Variants in HEATR5B observed in about 807,000 individuals in gnomAD.
HEATR5B encodes HEAT repeat containing 5B, also known as HEAT repeat-containing protein 5B.
In HEATR5B, 156 loss-of-function variants were observed where a neutral mutation model predicts 224.1. The ratio of observed to expected loss-of-function variants is 0.70; its 90% confidence interval spans 0.61 to 0.80. The LOEUF (loss-of-function observed/expected upper bound fraction) is 0.80, where lower values mean the gene tolerates loss of function less well. Ranked by LOEUF, HEATR5B falls within the 30% of genes least tolerant of loss-of-function variation. The pLI, the probability that HEATR5B is intolerant of heterozygous loss-of-function variation, is 0.00. For synonymous variants in HEATR5B, 1,027 were observed against 893.0 expected (o/e 1.15, Z -2.68); for missense variants, 2,323 against 2,535.5 (o/e 0.92, Z 1.80).
chr2:37,036,316 T>C (rs1669472598), intron 21 of HEATR5B, among the ~76,000 whole-genome samples: 1 of 152,218 alleles, frequency 6.6e-6, no homozygotes, highest in Admixed American at 6.5e-5. Flanking sequence ...TCATTTCCTC[T>C]AGGTCCCACC....
intron 20 of HEATR5B, among the ~76,000 whole-genome samples, chr2:37,038,419 CA>C (rs1669653896): frequency 6.6e-6 from 1 of 152,156 alleles, no homozygotes; most frequent in South Asian, 2.1e-4. Context: ...GGATTACAGG[CA>C]TGAGCCACTG....
Position 37,064,800 on chromosome 2 carries a change from C to G in HEATR5B, c.1524G>C (p.Met508Ile). The G allele has an allele frequency of 6.2e-7, 1 of 1,614,010 alleles. No individual in the cohort carries two copies. The highest frequency in any genetic ancestry group is 8.5e-7 in the Non-Finnish European group (1 of 1,179,976). Residue 508 changes from methionine (M) to isoleucine (I), a missense_variant, in exon 10 of 36, where the codon ATG becomes ATC. Physicochemically the swap from Met to Ile is conservative, Grantham distance 10. Coordinates refer to ENST00000233099, the MANE Select transcript of HEATR5B (RefSeq NM_019024.3). ...PEAVSGYSFA[M>I]AALLGGVHQC... is the part of the protein sequence containing the mutation. ...GATGTACTCCACCTAACAAAGCAGC[C>G]ATTGCAAAACTATATCCACTGACAG...
chr2:37,049,610 C>G (rs1264469209), intron 18 of HEATR5B, 43 bp downstream of exon 18: 1 of 1,501,400 alleles, frequency 6.7e-7, no homozygotes, highest in South Asian at 1.2e-5. Flanking sequence ...TAAAAGACAT[C>G]TTTGCCTACA....
At chr2:36,984,504 G>A (rs1665817382) in intron 35 of HEATR5B, among the ~76,000 whole-genome samples, 1 of 151,840 alleles carries the variant, frequency 6.6e-6, no homozygotes, top group Non-Finnish European at 1.5e-5. Flanking sequence ...TAAATTCTAT[G>A]AAGGGTAAAA....
rs984778760 is a variant in HEATR5B, at chr2:37,002,704, A to G, written c.5051-132T>C. The stretch of plus-strand genomic sequence containing the variant: ...AATAATGTCACACGTCCTTCTCTGT[A>G]TAATTCTCTGCCTCCCTAGAATTCT... On this transcript the variant is annotated intron_variant, in intron 31 of 35. Transcript: ENST00000233099. 140 of 870,170 alleles carry G rather than the reference A, an allele frequency of 1.6e-4. No homozygotes were observed. In the African/African-American group the frequency reaches 2.0e-3, roughly 13 times the overall value. The allele number at this position is 870,170 out of a possible 1,614,324, so 53.9% of individuals were successfully genotyped here. A position where few individuals can be genotyped will look rare whatever the true frequency, so the allele number is the denominator to read the frequency against.
At chr2:37,065,591 G>A (rs115395370) in intron 9 of HEATR5B, among the ~76,000 whole-genome samples, 164 bp downstream of exon 9, 5,234 of 152,186 alleles carry the variant, frequency 0.034, 125 homozygotes, top group Non-Finnish European at 0.052. Flanking sequence ...TTATAGGCAC[G>A]AGCCACCACG....
At chr2:37,066,053 G>T in intron 8 of HEATR5B, 143 bp from the exon 9 acceptor site, 1 of 653,308 alleles carries the variant, frequency 1.5e-6, no homozygotes, top group Non-Finnish European at 2.5e-6. Context: ...TAGAAAACTT[G>T]TAGAACTAAA....
At chr2:37,052,239 C>A (rs961213160) in intron 17 of HEATR5B, among the ~76,000 whole-genome samples, 1 of 152,150 alleles carries the variant, frequency 6.6e-6, no homozygotes, top group African/African-American at 2.4e-5. Context: ...ATGCGCGAAT[C>A]CTGTGAGATA....
At chr2:37,062,705 C>T (rs1572917660) in intron 10 of HEATR5B, among the ~76,000 whole-genome samples, 1 of 152,378 alleles carries the variant, frequency 6.6e-6, no homozygotes, top group Middle Eastern at 3.4e-3. Flanking sequence ...TATGCTACTA[C>T]TTTGTCATTT....
intron 31 of HEATR5B, 105 bp downstream of exon 31, chr2:37,003,436 TA>T: frequency 1.2e-6 from 1 of 834,794 alleles, no homozygotes; most frequent in Non-Finnish European, 1.8e-6. Context: ...ACCCTGCCTC[TA>T]AAAAATAAAA....
At chr2:37,080,916 A>G (rs1488351157) in intron 2 of HEATR5B, among the ~76,000 whole-genome samples, 2 of 152,204 alleles carry the variant, frequency 1.3e-5, no homozygotes, top group Non-Finnish European at 2.9e-5. Context: ...AAACTGTGCA[A>G]AGCAATGATA....
intron 35 of HEATR5B, among the ~76,000 whole-genome samples, chr2:36,988,076 A>T (rs1325718965): frequency 6.6e-6 from 1 of 152,074 alleles, no homozygotes; most frequent in Non-Finnish European, 1.5e-5. Context: ...TCTAAAAAAA[A>T]AGAAAAAAAA....
chr2:37,075,354 T>A, intron 5 of HEATR5B, 131 bp downstream of exon 5: 1 of 648,282 alleles, frequency 1.5e-6, no homozygotes, highest in Non-Finnish European at 2.6e-6. Flanking sequence ...CTATTATATA[T>A]AATTCTAGAA....
chr2:37,014,203 C>T lies in HEATR5B; in HGVS notation c.4105-183G>A, dbSNP rs369956059. On this transcript the variant is annotated intron_variant, in intron 26 of 35. Transcript: ENST00000233099. ...TTGAGACAGAGTTTTGCTCTGTCAC[C>T]CAGGCTGCAGCGGAGTGGCGTGATC... Among the ~76,000 whole-genome samples the T allele has an allele frequency of 4.6e-5, 7 of 152,136 alleles. No homozygotes were observed. In the South Asian group the frequency reaches 1.5e-3, roughly 32 times the overall value.
In HEATR5B at chr2:37,007,041, C is replaced by T; in HGVS notation, c.4777+9G>A. 4 of 1,612,670 alleles carry T rather than the reference C, an allele frequency of 2.5e-6. 1 individual carries two copies. Among genetic ancestry groups the T allele is most frequent in the East Asian group, 4.5e-5 (2 of 44,868 alleles). ...ATAATCTTGAAATATATTAATATGACAGACCTACCTAAAATCAGATGCATT... is the reference window on the plus strand; with the variant it reads ...ATAATCTTGAAATATATTAATATGATAGACCTACCTAAAATCAGATGCATT... On this transcript the variant is annotated intron_variant, in intron 29 of 35. Transcript: ENST00000233099.
chr2:37,016,438 C>T (rs953481121), intron 26 of HEATR5B, among the ~76,000 whole-genome samples: 1 of 151,802 alleles, frequency 6.6e-6, no homozygotes, highest in Non-Finnish European at 1.5e-5. Flanking sequence ...CATCTGAAAT[C>T]CTTGGACCAA....
chr2:36,985,458 G>T (rs1313068912), intron 35 of HEATR5B, among the ~76,000 whole-genome samples: 222 of 126,706 alleles, frequency 1.8e-3, no homozygotes, highest in African/African-American at 4.5e-3. Context: ...CTTTTTTTTG[G>T]TTTTTTTTTT....
intron 35 of HEATR5B, among the ~76,000 whole-genome samples, chr2:36,985,456 T>TC (rs1558688732): frequency 7.3e-6 from 1 of 136,942 alleles, no homozygotes; most frequent in Non-Finnish European, 1.6e-5. Context: ...TGCTTTTTTT[T>TC]GGTTTTTTTT....
chr2:37,075,730 T>G (rs1314513178), intron 4 of HEATR5B, 96 bp from the exon 5 acceptor site: 1 of 730,804 alleles, frequency 1.4e-6, no homozygotes. Flanking sequence ...CTAATGGTCT[T>G]ACCTCCAAAT....
Sources: allele counts gnomAD v4.1 joint callset (sites outside exome capture counted in the v4.1 genomes callset), GRCh38; gene constraint gnomAD v4.1.1; transcripts MANE v1.5; gene names NCBI Gene and HGNC (gene_info 2026-07-23, HGNC 2026-07-21).